The following CLNK variants were observed in gnomAD, a reference collection of about 807,000 sequenced individuals.
The protein encoded by CLNK is cytokine dependent hematopoietic cell linker, also known as cytokine-dependent hematopoietic cell linker.
A neutral mutation model predicts 68.6 loss-of-function variants in CLNK; 74 were observed. The ratio of observed to expected loss-of-function variants is 1.08; its 90% CI spans 0.89 to 1.31. CLNK has a LOEUF of 1.31. Ranked by LOEUF, CLNK falls within the 50% of genes most tolerant of loss-of-function variation. The pLI, the probability that CLNK is intolerant of heterozygous loss-of-function variation, is 0.00. For synonymous variants in CLNK, 198 were observed against 172.2 expected (o/e 1.15, Z -1.17); for missense variants, 553 against 515.3 (o/e 1.07, Z -0.71).
intron 4 of CLNK, among the ~76,000 whole-genome samples, chr4:10,583,074 G>A (rs1303589708): frequency 2.0e-5 from 3 of 152,188 alleles, no homozygotes; most frequent in East Asian, 3.9e-4. Context: ...TGATCCCATC[G>A]TCAAAAATCA....
chr4:10,610,037 T>A (rs1340208744), intron 2 of CLNK, among the ~76,000 whole-genome samples: 1 of 1,294 alleles, frequency 7.7e-4, no homozygotes, highest in Non-Finnish European at 0.014. Context: ...ATGCTCGTTT[T>A]TTTTTTTTTT....
chr4:10,649,656 A>C (rs151078981), intron 2 of CLNK, among the ~76,000 whole-genome samples: 58 of 152,246 alleles, frequency 3.8e-4, no homozygotes, highest in Admixed American at 1.5e-3. Context: ...ATTGATACTT[A>C]AGGGACAAAA....
chr4:10,723,729 T>C, the CLNK span, among the ~76,000 whole-genome samples: 1 of 152,158 alleles, frequency 6.6e-6, no homozygotes, highest in African/African-American at 2.4e-5. Flanking sequence ...ATTACTTAAC[T>C]GTACATAGTA....
At chr4:10,595,684 A>G (rs548656744) in intron 3 of CLNK, among the ~76,000 whole-genome samples, 12 of 152,296 alleles carry the variant, frequency 7.9e-5, no homozygotes, top group African/African-American at 2.9e-4. Context: ...GGGGAGCACC[A>G]GGGTTGTTGA....
At chr4:10,562,869 A>G (rs1003972130) in intron 7 of CLNK, among the ~76,000 whole-genome samples, 3 of 152,176 alleles carry the variant, frequency 2.0e-5, no homozygotes, top group Non-Finnish European at 2.9e-5. Flanking sequence ...GTCTCCTACC[A>G]TTAGCATATA....
intron 8 of CLNK, among the ~76,000 whole-genome samples, chr4:10,549,217 G>A (rs1719352027): frequency 6.6e-6 from 1 of 152,120 alleles, no homozygotes. Context: ...CTTAATCATT[G>A]CTTAGCTAAC....
chr4:10,527,317 C>T (rs1474753271), intron 13 of CLNK, among the ~76,000 whole-genome samples: 3 of 152,164 alleles, frequency 2.0e-5, no homozygotes, highest in African/African-American at 7.2e-5. Flanking sequence ...ATGGGGAATC[C>T]ATAAACCCAA....
At chr4:10,653,464 G>C (rs1038159075) in intron 2 of CLNK, among the ~76,000 whole-genome samples, 2 of 151,936 alleles carry the variant, frequency 1.3e-5, no homozygotes, top group African/African-American at 4.8e-5. Context: ...TCAGTGACAA[G>C]GTAGTAAAAA....
chr4:10,588,286 T>A (rs920571481), intron 3 of CLNK, among the ~76,000 whole-genome samples: 4 of 152,224 alleles, frequency 2.6e-5, no homozygotes, highest in Non-Finnish European at 5.9e-5. Context: ...GGGTTCTTGT[T>A]ATCTTCTAAC....
At chr4:10,713,320 A>G in the CLNK span, among the ~76,000 whole-genome samples, 1 of 152,106 alleles carries the variant, frequency 6.6e-6, no homozygotes, top group Non-Finnish European at 1.5e-5. Flanking sequence ...TCCACGAATT[A>G]CTCTGGGAAA....
the CLNK span, among the ~76,000 whole-genome samples, chr4:10,709,906 AC>A: frequency 6.6e-6 from 1 of 152,088 alleles, no homozygotes; most frequent in Non-Finnish European, 1.5e-5. Flanking sequence ...TGCTGACATC[AC>A]TGATGCAGGA....
chr4:10,667,468 C>T (rs1187142851), intron 2 of CLNK, among the ~76,000 whole-genome samples: 1 of 149,830 alleles, frequency 6.7e-6, no homozygotes, highest in Non-Finnish European at 1.5e-5. Flanking sequence ...GACCACACCA[C>T]TTTTGGTGTC....
At chr4:10,699,749 G>C in the CLNK span, among the ~76,000 whole-genome samples, 1 of 151,240 alleles carries the variant, frequency 6.6e-6, no homozygotes, top group Non-Finnish European at 1.5e-5. Context: ...CCTGACCTCA[G>C]ATGATCCATC....
At chr4:10,529,494 T>C (rs1350918284) in intron 12 of CLNK, among the ~76,000 whole-genome samples, 3 of 152,178 alleles carry the variant, frequency 2.0e-5, no homozygotes, top group African/African-American at 7.2e-5. Context: ...ATTGTATGCC[T>C]CCCTCTGAAG....
chr4:10,560,098 C>T (rs1454681693), intron 7 of CLNK, among the ~76,000 whole-genome samples: 1 of 152,206 alleles, frequency 6.6e-6, no homozygotes, highest in Non-Finnish European at 1.5e-5. Flanking sequence ...CATATGGCTT[C>T]CTTCATCAGA....
At chr4:10,729,762 T>G in the CLNK span, among the ~76,000 whole-genome samples, 1 of 152,264 alleles carries the variant, frequency 6.6e-6, no homozygotes, top group African/African-American at 2.4e-5. Context: ...TGCAAAAGTT[T>G]GAAACATATA....
chr4:10,552,739 A>C (rs954250797), intron 8 of CLNK, among the ~76,000 whole-genome samples: 1 of 152,090 alleles, frequency 6.6e-6, no homozygotes, highest in Non-Finnish European at 1.5e-5. Flanking sequence ...TTGTGTATGA[A>C]CATCTCCCAC....
chr4:10,501,594 G>A (rs1354224209), intron 17 of CLNK, among the ~76,000 whole-genome samples, 183 bp from the exon 18 acceptor site: 1 of 152,190 alleles, frequency 6.6e-6, no homozygotes, highest in Non-Finnish European at 1.5e-5. Context: ...CACTTTCTGA[G>A]ATGTGTACCA....
intron 3 of CLNK, among the ~76,000 whole-genome samples, chr4:10,597,016 T>C (rs1206556568): frequency 6.6e-6 from 1 of 152,220 alleles, no homozygotes; most frequent in Non-Finnish European, 1.5e-5. Flanking sequence ...AGCCACAAAT[T>C]TCCCTCTACT....
Sources: allele counts gnomAD v4.1 joint callset (sites outside exome capture counted in the v4.1 genomes callset), GRCh38; gene constraint gnomAD v4.1.1; transcripts MANE v1.5; gene names NCBI Gene and HGNC (gene_info 2026-07-23, HGNC 2026-07-21).